RXRA: variants seen among roughly 807,000 people sequenced by gnomAD.
RXRA encodes the protein retinoic acid receptor RXR-alpha.
A neutral mutation model predicts 44.5 loss-of-function variants in RXRA; 5 were observed. That is an observed-to-expected ratio of 0.11 (90% CI 0.06 to 0.24). The LOEUF (loss-of-function observed/expected upper bound fraction) is 0.24. Among genes scored for constraint, RXRA ranks in the 10% least tolerant of loss-of-function variants. The pLI, the probability that RXRA is intolerant of heterozygous loss-of-function variation, is 1.00. For synonymous variants in RXRA, 291 were observed against 271.4 expected, an observed-to-expected ratio of 1.07 and a Z score of -0.71; for missense variants, 412 against 646.5, an observed-to-expected ratio of 0.64 and a Z score of 3.93.
At chr9:134,419,070 G>A (rs1831284878) in intron 5 of RXRA, among the ~76,000 whole-genome samples, 1 of 152,150 alleles carries the variant, frequency 6.6e-6, no homozygotes, top group Non-Finnish European at 1.5e-5. Flanking sequence ...AAGATGAATG[G>A]GACCCCGACA....
rs192426871 is a variant in RXRA, at chr9:134,432,131, C to A, written c.1135+135C>A. On this transcript the variant is annotated intron_variant, in intron 8 of 9. Coordinates refer to ENST00000481739, the MANE Select transcript of RXRA (RefSeq NM_002957.6). ...CCCACCCTCCTTGAGCTCAGTGTGC[C>A]CCCCTCCCAGTGAAAGTGTGGCCAT... 232 of 643,702 alleles carry A rather than the reference C, an allele frequency of 3.6e-4. No homozygotes were observed. The African/African-American group carries it at 3.9e-3, about 11-fold the overall frequency. The allele number at this position is 643,702 out of a possible 1,614,324, so 39.9% of individuals were successfully genotyped here.
chr9:134,410,438 A>G (rs1419293980), intron 4 of RXRA, among the ~76,000 whole-genome samples: 1 of 152,198 alleles, frequency 6.6e-6, no homozygotes, highest in Non-Finnish European at 1.5e-5. Flanking sequence ...TGCTTTCACC[A>G]GAGGGCAGAG....
intron 6 of RXRA, 69 bp downstream of exon 6, chr9:134,421,874 C>G (rs374188930): frequency 6.3e-6 from 10 of 1,581,470 alleles, no homozygotes; most frequent in South Asian, 4.5e-5. Flanking sequence ...ACACTCCCCC[C>G]TCCCGGGATA....
chr9:134,347,479 G>C (rs1830167310), intron 1 of RXRA, among the ~76,000 whole-genome samples: 1 of 152,182 alleles, frequency 6.6e-6, no homozygotes, highest in South Asian at 2.1e-4. Context: ...CCGGGCTTCT[G>C]CCGAGCAGGA....
intron 1 of RXRA, among the ~76,000 whole-genome samples, chr9:134,337,381 G>A (rs961951830): frequency 1.3e-5 from 2 of 152,234 alleles, no homozygotes; most frequent in Non-Finnish European, 1.5e-5. Context: ...GCCCAGTAGA[G>A]CCAGGCTTAG....
chr9:134,354,700 T>C (rs1830262182), intron 1 of RXRA, among the ~76,000 whole-genome samples: 1 of 152,250 alleles, frequency 6.6e-6, no homozygotes, highest in Non-Finnish European at 1.5e-5. Flanking sequence ...TGCTGTGCAC[T>C]GGCCTTCGCT....
chr9:134,347,371 C>T (rs1458652238), intron 1 of RXRA, among the ~76,000 whole-genome samples: 1 of 152,258 alleles, frequency 6.6e-6, no homozygotes, highest in Non-Finnish European at 1.5e-5. Flanking sequence ...TGCTCGTGGT[C>T]AGCCTGCCTT....
intron 9 of RXRA, among the ~76,000 whole-genome samples, chr9:134,435,024 G>A: frequency 6.6e-6 from 1 of 152,200 alleles, no homozygotes; most frequent in Non-Finnish European, 1.5e-5. Flanking sequence ...AGGAGGGGGT[G>A]GCAGGCAGCT....
At chr9:134,354,351 C>T (rs1830257729) in intron 1 of RXRA, among the ~76,000 whole-genome samples, 1 of 152,242 alleles carries the variant, frequency 6.6e-6, no homozygotes, top group African/African-American at 2.4e-5. Flanking sequence ...TCTGCCCATA[C>T]TGCTGGCTCT....
At chr9:134,350,611 A>G (rs1830209582) in intron 1 of RXRA, among the ~76,000 whole-genome samples, 1 of 152,168 alleles carries the variant, frequency 6.6e-6, no homozygotes, top group African/African-American at 2.4e-5. Context: ...GTGCTCACCC[A>G]CACGGGGAGC....
At chr9:134,337,881 C>T (rs556377082) in intron 1 of RXRA, among the ~76,000 whole-genome samples, 4 of 152,274 alleles carry the variant, frequency 2.6e-5, no homozygotes, top group African/African-American at 7.2e-5. Flanking sequence ...CAAAAAGAAA[C>T]GAGACAGGCG....
At position 134,333,857 on chromosome 9, in the gene RXRA, C is replaced by A. The variant is rs1054995747; in HGVS notation, c.28+7198C>A. 1.4e-4 allele frequency among the ~76,000 whole-genome samples: 22 copies of A among 152,320 alleles called. No individual in the cohort carries two copies. The East Asian group carries it at 4.2e-3, about 29-fold the overall frequency. ...TGAATCGGGCGCTCTCGGGCCTGGG[C>A]AGCCCTGTGCCTCTGCCGGGACTCC... On this transcript the variant is annotated intron_variant, in intron 1 of 9. Transcript: ENST00000481739.
chr9:134,362,205 C>T (rs930380883), intron 1 of RXRA, among the ~76,000 whole-genome samples: 15 of 152,184 alleles, frequency 9.9e-5, no homozygotes, highest in African/African-American at 3.6e-4. Flanking sequence ...GTGGCCGCTG[C>T]TCATGGCAGC....
intron 7 of RXRA, among the ~76,000 whole-genome samples, chr9:134,429,772 C>T (rs930966130): frequency 6.6e-6 from 1 of 152,174 alleles, no homozygotes; most frequent in African/African-American, 2.4e-5. Context: ...GCTGGAGGGC[C>T]CACCCTCGTC....
chr9:134,380,921 G>A (rs1313791147), intron 1 of RXRA, among the ~76,000 whole-genome samples: 4 of 152,176 alleles, frequency 2.6e-5, no homozygotes, highest in Non-Finnish European at 5.9e-5. Flanking sequence ...CAGAGCCCCC[G>A]GGAACCCCTC....
chr9:134,381,711 G>A (rs943619467), intron 1 of RXRA, among the ~76,000 whole-genome samples: 21 of 152,258 alleles, frequency 1.4e-4, no homozygotes, highest in African/African-American at 5.1e-4. Flanking sequence ...GGACTTGGGG[G>A]TGGGGCCTCC....
chr9:134,384,367 G>C (rs1351690210), intron 1 of RXRA, among the ~76,000 whole-genome samples: 1 of 152,248 alleles, frequency 6.6e-6, no homozygotes, highest in African/African-American at 2.4e-5. Flanking sequence ...ACATGGCTGG[G>C]CCGGTGGTGC....
chr9:134,437,067 C>G lies in RXRA; in HGVS notation c.*453C>G, dbSNP rs1338237553. On this transcript the variant is annotated 3_prime_UTR_variant, in exon 10 of 10. Coordinates refer to ENST00000481739, the MANE Select transcript of RXRA (RefSeq NM_002957.6). ...GTGACATCTTCATCTGCTCTGAATA[C>G]TGGTGCCCAGCCAGCCCGTGACAGC... is the stretch of plus-strand genomic sequence containing the variant. 1 of 172,890 alleles carries G rather than the reference C, an allele frequency of 5.8e-6. No individual in the cohort carries two copies. The highest frequency in any genetic ancestry group is 5.5e-5 in the Admixed American group (1 of 18,186). 10.7% of individuals were successfully genotyped at this position (172,890 alleles called of 1,614,324 possible). A position where few individuals can be genotyped will look rare whatever the true frequency, so the allele number is the denominator to read the frequency against.
At chr9:134,379,781 G>T in intron 1 of RXRA, 2 of 985,186 alleles carry the variant, frequency 2.0e-6, no homozygotes, top group Non-Finnish European at 2.4e-6. Flanking sequence ...CCTGGGCCCA[G>T]CTGCCCCTAA....
Sources: allele counts gnomAD v4.1 joint callset (sites outside exome capture counted in the v4.1 genomes callset), GRCh38; gene constraint gnomAD v4.1.1; transcripts MANE v1.5; gene names NCBI Gene and HGNC (gene_info 2026-07-23, HGNC 2026-07-21).